MMAA: variants seen among roughly 807,000 people sequenced by gnomAD.
The protein encoded by MMAA is methylmalonic aciduria type A protein, mitochondrial.
Under a neutral mutation model 45.0 loss-of-function variants are expected in MMAA, and 41 were observed. The ratio of observed to expected loss-of-function variants is 0.91; its 90% CI spans 0.71 to 1.18. The LOEUF (loss-of-function observed/expected upper bound fraction) is 1.18. MMAA is among the 50% of genes most tolerant of loss of function. The pLI is 0.00. For missense variants in MMAA, 460 were observed against 495.7 expected, an observed-to-expected ratio of 0.93 and a Z score of 0.68; for synonymous variants, 154 against 178.2, an observed-to-expected ratio of 0.86 and a Z score of 1.08.
At chr4:145,625,353 T>C (rs1734179030) in intron 1 of MMAA, 8 of 703,280 alleles carry the variant, frequency 1.1e-5, no homozygotes, top group Non-Finnish European at 1.9e-5. Flanking sequence ...TGCTTTTTGG[T>C]GAGCCAGTCC....
At position 145,646,171 on chromosome 4, in the gene MMAA, C is replaced by G; in HGVS notation, c.733+15C>G. ...TGAAACCGTTGGTGAGTGTGATATT[C>G]TATTTCATAACAATGTACTATTTTA... On this transcript the variant is annotated intron_variant, in intron 4 of 6. Transcript: ENST00000649156. 6.2e-7 allele frequency: 1 copy of G among 1,613,704 alleles called. No individual in the cohort carries two copies. The highest frequency in any genetic ancestry group is 8.5e-7 in the Non-Finnish European group (1 of 1,179,680).
At chr4:145,623,721 A>G (rs1255259325) in intron 1 of MMAA, among the ~76,000 whole-genome samples, 15 of 152,162 alleles carry the variant, frequency 9.9e-5, no homozygotes, top group Non-Finnish European at 2.9e-5. Flanking sequence ...ACAGCTAGAG[A>G]AGCATCTATA....
intron 3 of MMAA, among the ~76,000 whole-genome samples, chr4:145,643,230 A>G (rs1207556102): frequency 6.6e-6 from 1 of 152,180 alleles, no homozygotes; most frequent in Non-Finnish European, 1.5e-5. Flanking sequence ...TTTTCATATT[A>G]CAGTTACTCA....
intron 5 of MMAA, among the ~76,000 whole-genome samples, chr4:145,652,223 C>A (rs6840006): frequency 0.22 from 33,696 of 152,002 alleles, 3,989 homozygotes; most frequent in East Asian, 0.47. Context: ...TATCACCAAC[C>A]AGAAGGCTCC....
chr4:145,642,119 G>T (rs1727804459), intron 2 of MMAA, among the ~76,000 whole-genome samples: 1 of 152,138 alleles, frequency 6.6e-6, no homozygotes, highest in African/African-American at 2.4e-5. Flanking sequence ...AGCATGTTTT[G>T]TAGTTTTTAA....
intron 1 of MMAA, among the ~76,000 whole-genome samples, chr4:145,627,650 C>T (rs1191925807): frequency 6.6e-6 from 1 of 152,048 alleles, no homozygotes; most frequent in Non-Finnish European, 1.5e-5. Flanking sequence ...GACTGTGGAG[C>T]ATTGAATAGA....
At chr4:145,648,453 G>C (rs759713034) in intron 4 of MMAA, among the ~76,000 whole-genome samples, 10 of 152,056 alleles carry the variant, frequency 6.6e-5, no homozygotes, top group Non-Finnish European at 1.5e-4. Context: ...GCCTAACTTA[G>C]GAATGTTTCT....
intron 4 of MMAA, among the ~76,000 whole-genome samples, chr4:145,650,136 T>TTTG (rs1242729208): frequency 2.0e-5 from 3 of 152,130 alleles, no homozygotes; most frequent in African/African-American, 4.8e-5. Flanking sequence ...GTCTTGTTAT[T>TTTG]TTGTTGTTGT....
Position 145,639,390 on chromosome 4 carries a change from G to T in MMAA, c.251G>T (p.Arg84Ile), listed in dbSNP as rs1254511485. Reference sequence around the variant, plus strand: ...GAAGGACTTTCTGATAAAGAGCAAAGATTTGTGGATAAACTTTATACTGGT... The same window carrying T: ...GAAGGACTTTCTGATAAAGAGCAAATATTTGTGGATAAACTTTATACTGGT... ...HTEGLSDKEQ[R>I]FVDKLYTGLI... Residue 84 changes from arginine to isoleucine, a missense_variant, in exon 2 of 7, where the codon AGA (arginine) becomes ATA (isoleucine). Physicochemically the swap from Arg to Ile is moderately conservative, Grantham distance 97. Transcript: ENST00000649156. 3 of 1,614,062 alleles carry T rather than the reference G, an allele frequency of 1.9e-6. No individual in the cohort carries two copies. Among genetic ancestry groups the T allele is most frequent in the African/African-American group, 1.3e-5 (1 of 74,924 alleles).
Position 145,642,371 on chromosome 4 carries a change from G to A in MMAA, c.448G>A (p.Gly150Arg), listed in dbSNP as rs1280978855. The A allele has an allele frequency of 3.1e-6, 5 of 1,613,920 alleles. No homozygotes were observed. Among genetic ancestry groups the A allele is most frequent in the Non-Finnish European group, 4.2e-6 (5 of 1,179,944 alleles). ...KPLAFRVGLS[G>R]PPGAGKSTFI... is the part of the protein sequence containing the mutation. The stretch of plus-strand genomic sequence containing the variant: ...ATCTCTTTCCACCGTAGGATTGTCT[G>A]GGCCCCCTGGTGCTGGAAAATCAAC... The change falls in exon 3 of 7, where the codon GGG becomes AGG. Residue 150 changes from glycine (G) to arginine (R), a missense_variant. Coordinates refer to ENST00000649156, the MANE Select transcript of MMAA (RefSeq NM_172250.3).
chr4:145,653,881 CT>C, intron 5 of MMAA, 112 bp from the exon 6 acceptor site: 1 of 1,136,248 alleles, frequency 8.8e-7, no homozygotes, highest in Non-Finnish European at 1.3e-6. Flanking sequence ...GCATCCAGGG[CT>C]TAGGAGGATA....
At position 145,639,183 on chromosome 4, in the gene MMAA, G is replaced by A. The variant is rs371810384; in HGVS notation, c.44G>A (p.Gly15Asp). Residue 15 changes from glycine (G) to aspartate (D), a missense_variant, in exon 2 of 7, where the codon GGC becomes GAC. Physicochemically the swap from Gly to Asp is moderately conservative, Grantham distance 94 (BLOSUM62 -1). Coordinates refer to ENST00000649156, the MANE Select transcript of MMAA (RefSeq NM_172250.3). ...LPHPHQHFLK[G>D]LLRAPFRCYH... is the part of the protein sequence containing the mutation. The stretch of plus-strand genomic sequence containing the variant: ...CATCCTCACCAGCATTTCCTAAAAG[G>A]CCTTTTAAGAGCACCTTTCCGATGT... 1.2e-6 allele frequency: 2 copies of A among 1,613,970 alleles called. No individual in the cohort carries two copies. Among genetic ancestry groups the A allele is most frequent in the African/African-American group, 1.3e-5 (1 of 74,900 alleles).
chr4:145,651,883 C>G (rs570354436), intron 5 of MMAA, among the ~76,000 whole-genome samples: 21 of 152,274 alleles, frequency 1.4e-4, no homozygotes, highest in Admixed American at 8.5e-4. Flanking sequence ...AACCTAGATG[C>G]CTAGCATGCA....
At chr4:145,621,961 A>G (rs1294347763) in intron 1 of MMAA, among the ~76,000 whole-genome samples, 1 of 152,364 alleles carries the variant, frequency 6.6e-6, no homozygotes, top group East Asian at 1.9e-4. Context: ...TTTTAGAAAC[A>G]TCAATTAACT....
At chr4:145,645,538 A>G (rs1261169097) in intron 3 of MMAA, among the ~76,000 whole-genome samples, 1 of 152,198 alleles carries the variant, frequency 6.6e-6, no homozygotes, top group Non-Finnish European at 1.5e-5. Context: ...GAAATGGTGG[A>G]GCCAGAATAC....
Position 145,655,302 on chromosome 4 carries a change from G to A in MMAA, c.1125G>A (p.Val375=). 1 of 1,614,200 alleles carries A rather than the reference G, an allele frequency of 6.2e-7. No individual in the cohort carries two copies. Among genetic ancestry groups the A allele is most frequent in the South Asian group, 1.1e-5 (1 of 91,088 alleles). Residue 375 remains valine (V), a synonymous_variant, in exon 7 of 7, where the codon GTG becomes GTA. Transcript: ENST00000649156. ...VWMWNLIQES[V]LEHFRTHPTV... is the part of the protein sequence containing the mutation. The stretch of plus-strand genomic sequence containing the variant: ...TGTGGAATCTCATTCAGGAAAGTGT[G>A]TTAGAGCATTTCAGGACCCACCCCA...
intron 1 of MMAA, chr4:145,625,823 A>G (rs1394921779): frequency 8.5e-7 from 1 of 1,177,780 alleles, no homozygotes; most frequent in African/African-American, 1.5e-5. Context: ...CCACCTGTTC[A>G]TTTAGTCACA....
At chr4:145,642,097 G>A (rs532035643) in intron 2 of MMAA, among the ~76,000 whole-genome samples, 1 of 152,266 alleles carries the variant, frequency 6.6e-6, no homozygotes, top group African/African-American at 2.4e-5. Flanking sequence ...CTACTTTATA[G>A]TACAAAGGCA....
At chr4:145,644,404 G>A (rs768455794) in intron 3 of MMAA, among the ~76,000 whole-genome samples, 1 of 152,190 alleles carries the variant, frequency 6.6e-6, no homozygotes, top group Non-Finnish European at 1.5e-5. Context: ...CTCTGAACTG[G>A]CATTTAGTGG....
Sources: gnomAD v4.1 joint callset for allele counts (sites outside exome capture counted in the v4.1 genomes callset) on GRCh38, gnomAD v4.1.1 for gene constraint, MANE v1.5 for transcripts, NCBI Gene and HGNC (gene_info 2026-07-23, HGNC 2026-07-21) for gene names.